SYDE2: variants seen among roughly 807,000 people sequenced by gnomAD.
The protein encoded by SYDE2 is synapse defective Rho GTPase homolog 2, also known as rho GTPase-activating protein SYDE2.
SYDE2 carries 76 observed loss-of-function variants against 91.5 expected under a neutral mutation model. The ratio of observed to expected loss-of-function variants is 0.83; its 90% CI spans 0.69 to 1.01. The LOEUF is 1.01. Among genes scored for constraint, SYDE2 ranks in the 50% least tolerant of loss-of-function variants. The pLI is 0.00. For missense variants in SYDE2, 1,364 were observed against 1,367.7 expected (o/e 1.00, Z 0.04); for synonymous variants, 513 against 506.4 (o/e 1.01, Z -0.18).
intron 2 of SYDE2, among the ~76,000 whole-genome samples, chr1:85,188,938 A>G (rs989260380): frequency 9.2e-5 from 14 of 152,238 alleles, no homozygotes. Flanking sequence ...GCATCATTTG[A>G]AATTCTGTAA....
Position 85,190,519 on chromosome 1 carries a change from A to ATT in SYDE2, c.978_979insAA (p.Ser327AsnfsTer31). 1 of 1,614,028 alleles carries ATT rather than the reference A, an allele frequency of 6.2e-7. No homozygotes were observed. The highest frequency in any genetic ancestry group is 8.5e-7 in the Non-Finnish European group (1 of 1,179,872). Reference sequence around the variant, plus strand: ...TTAGATGATTTGAGGAAAGACTGTGATAGCTGATGTTTAGGTAGAGACACA... The same window carrying ATT: ...TTAGATGATTTGAGGAAAGACTGTGATTTAGCTGATGTTTAGGTAGAGACACA... On this transcript the variant is annotated frameshift_variant, in exon 2 of 7. Coordinates refer to ENST00000341460, the MANE Select transcript of SYDE2 (RefSeq NM_032184.2). LOFTEE classifies it high-confidence loss of function.
chr1:85,194,987 T>C (rs554101714), intron 1 of SYDE2: 14 of 228,194 alleles, frequency 6.1e-5, no homozygotes, highest in East Asian at 3.6e-4. Context: ...GGTGAAACCC[T>C]GTCTCTACTA....
chr1:85,199,188 G>A (rs767824209), intron 1 of SYDE2, among the ~76,000 whole-genome samples: 2 of 152,048 alleles, frequency 1.3e-5, no homozygotes, highest in Non-Finnish European at 2.9e-5. Context: ...CAGAGAAACC[G>A]CCAAGTACTG....
chr1:85,190,101 C>T lies in SYDE2; in HGVS notation c.1397G>A (p.Gly466Asp), dbSNP rs760891719. The change falls in exon 2 of 7, where the codon GGT becomes GAT. Residue 466 changes from glycine (G) to aspartate (D), a missense_variant. Transcript: ENST00000341460. ...KQKLGHKTQEGIMVEDSPMLK... is the reference protein window; with the variant it reads ...KQKLGHKTQEDIMVEDSPMLK... ...CATGGGACTGTCCTCCACCATTATA[C>T]CTTCTTGTGTCTTGTGTCCTAGCTT... 32 of 1,613,590 alleles carry T rather than the reference C, an allele frequency of 2.0e-5. No homozygotes were observed. In the South Asian group the frequency reaches 3.0e-4, roughly 15 times the overall value.
chr1:85,194,881 C>A (rs1381576619), intron 1 of SYDE2: 1 of 982,978 alleles, frequency 1.0e-6, no homozygotes, highest in East Asian at 1.1e-4. Flanking sequence ...GTAGTACCGG[C>A]TGGGCGCGGT....
At chr1:85,165,814 A>AT (rs541956344) in intron 5 of SYDE2, among the ~76,000 whole-genome samples, 562 of 150,814 alleles carry the variant, frequency 3.7e-3, no homozygotes, top group African/African-American at 0.013. Flanking sequence ...AAAATGAGTA[A>AT]TTTTTTCTTC....
intron 1 of SYDE2, among the ~76,000 whole-genome samples, chr1:85,191,999 A>G (rs1348500455): frequency 6.7e-6 from 1 of 149,382 alleles, no homozygotes; most frequent in Non-Finnish European, 1.5e-5. Context: ...TTAAAAATCT[A>G]AGATCATCTC....
At position 85,201,011 on chromosome 1, in the gene SYDE2, G is replaced by A. The variant is rs1658820812; in HGVS notation, c.-15C>T. 2.0e-5 allele frequency: 26 copies of A among 1,281,612 alleles called. No individual in the cohort carries two copies. The highest frequency in any genetic ancestry group is 2.5e-5 in the Non-Finnish European group (26 of 1,019,736). 79.4% of individuals were successfully genotyped at this position (1,281,612 alleles called of 1,614,324 possible). ...AGGTCGTGCATGGCCTGGATCAGCA[G>A]ATAATAGGCCTCTCGCAACTGGGTC... On this transcript the variant is annotated 5_prime_UTR_variant, in exon 1 of 7. Transcript: ENST00000341460.
chr1:85,154,370 A>T (rs923872375), downstream of SYDE2, among the ~76,000 whole-genome samples: 3 of 75,766 alleles, frequency 4.0e-5, no homozygotes, highest in East Asian at 7.5e-4. Flanking sequence ...TTCATTTTTT[A>T]TTTTTTGAGA....
In SYDE2 at chr1:85,190,571, T is replaced by G; in HGVS notation, c.927A>C (p.Gln309His). Residue 309 changes from glutamine to histidine, a missense_variant, in exon 2 of 7, where the codon CAA becomes CAC. Physicochemically the swap from Gln to His is conservative, Grantham distance 24. Transcript: ENST00000341460. ...LNLEEENKKCQDRSHLSISPV... is the reference protein window; with the variant it reads ...LNLEEENKKCHDRSHLSISPV... ...GTGAGATGGATAAATGACTTCTATC[T>G]TGGCATTTCTTATTTTCTTCTTCCA... 6.2e-7 allele frequency: 1 copy of G among 1,613,994 alleles called. No individual in the cohort carries two copies. Among genetic ancestry groups the G allele is most frequent in the South Asian group, 1.1e-5 (1 of 91,084 alleles).
chr1:85,190,739 A>G lies in SYDE2; in HGVS notation c.759T>C (p.Asn253=). ...TTCCCTTCATTGAAGACCCATAGGC[A>G]TTTTCAAATAAATCTGTTGCAAAGA... ...QRITLTDLFE[N]AYGSSMKGRE... is the part of the protein sequence containing the mutation. Residue 253 remains asparagine, a synonymous_variant, in exon 2 of 7, where the codon AAT becomes AAC. Transcript: ENST00000341460. The G allele has an allele frequency of 6.3e-7, 1 of 1,593,254 alleles. No individual in the cohort carries two copies. Among genetic ancestry groups the G allele is most frequent in the Non-Finnish European group, 8.5e-7 (1 of 1,171,200 alleles).
rs761650439 is a variant in SYDE2, at chr1:85,183,061, C to T, written c.1581G>A (p.Arg527=). 4 of 1,613,552 alleles carry T rather than the reference C, an allele frequency of 2.5e-6. No individual in the cohort carries two copies. Among genetic ancestry groups the T allele is most frequent in the Non-Finnish European group, 3.4e-6 (4 of 1,179,768 alleles). The change falls in exon 3 of 7, where the codon AGG becomes AGA. Residue 527 remains arginine (R), a synonymous_variant. Transcript: ENST00000341460. The stretch of plus-strand genomic sequence containing the variant: ...ACTTTTTCATTTTCATGGAAAGTTT[C>T]CTCACAGTTCGTGGAGATTTTATTT... The part of the protein sequence containing the change: ...PDKIKSPRTV[R]KLSMKMKKLP...
Position 85,158,853 on chromosome 1 carries a change from A to T in SYDE2, c.3482T>A (p.Val1161Glu). The change falls in exon 7 of 7, where the codon GTG becomes GAG. Residue 1161 changes from valine to glutamate, a missense_variant. Physicochemically the swap from Val to Glu is moderately radical, Grantham distance 121. Transcript: ENST00000341460. ...ATCTTTGAGATTGTTTTTTCGATCCACTGTAGACTCAACTGTCTGCATTGT... is the reference window on the plus strand; with the variant it reads ...ATCTTTGAGATTGTTTTTTCGATCCTCTGTAGACTCAACTGTCTGCATTGT... ...YLTMQTVEST[V>E]DRKNNLKDLQ... is the part of the protein sequence containing the mutation. The T allele has an allele frequency of 1.3e-6, 1 of 778,610 alleles. No homozygotes were observed. The highest frequency in any genetic ancestry group is 2.4e-5 in the East Asian group (1 of 41,200). The allele number at this position is 778,610 out of a possible 1,614,324, so 48.2% of individuals were successfully genotyped here. A position where few individuals can be genotyped will look rare whatever the true frequency, so the allele number is the denominator to read the frequency against.
intron 1 of SYDE2, among the ~76,000 whole-genome samples, chr1:85,194,333 T>C (rs532726142): frequency 6.7e-6 from 1 of 150,194 alleles, no homozygotes; most frequent in East Asian, 1.9e-4. Context: ...TCATAAATTA[T>C]AAATATTTTT....
chr1:85,196,246 G>A (rs1270376921), intron 1 of SYDE2, among the ~76,000 whole-genome samples: 2 of 152,218 alleles, frequency 1.3e-5, no homozygotes, highest in African/African-American at 2.4e-5. Context: ...AAAACTTCGG[G>A]GATGTGAGAG....
At chr1:85,155,644 T>C (rs1656864467), downstream of SYDE2, among the ~76,000 whole-genome samples, 1 of 152,190 alleles carries the variant, frequency 6.6e-6, no homozygotes, top group Admixed American at 6.5e-5. Flanking sequence ...GTATGAAGCA[T>C]TCTGCTTAAA....
At chr1:85,192,854 T>C (rs1658427237) in intron 1 of SYDE2, among the ~76,000 whole-genome samples, 1 of 152,194 alleles carries the variant, frequency 6.6e-6, no homozygotes, top group African/African-American at 2.4e-5. Flanking sequence ...ACCCATACCA[T>C]GCTACTCACA....
At chr1:85,190,033 A>G in intron 2 of SYDE2, 24 bp downstream of exon 2, 1 of 1,498,658 alleles carries the variant, frequency 6.7e-7, no homozygotes, top group Admixed American at 2.2e-5. Flanking sequence ...GAAGAAAGAA[A>G]GACACATATA....
At chr1:85,191,797 T>C (rs925354594) in intron 1 of SYDE2, among the ~76,000 whole-genome samples, 8 of 151,404 alleles carry the variant, frequency 5.3e-5, no homozygotes, top group African/African-American at 1.9e-4. Flanking sequence ...ATGGGAGACC[T>C]CAAATGCTTA....
Sources: gnomAD v4.1 joint callset for allele counts (sites outside exome capture counted in the v4.1 genomes callset) on GRCh38, gnomAD v4.1.1 for gene constraint, MANE v1.5 for transcripts, NCBI Gene and HGNC (gene_info 2026-07-23, HGNC 2026-07-21) for gene names.